The following GMDS variants were observed in gnomAD, a reference collection of about 807,000 sequenced individuals.
GMDS encodes the protein GDP-mannose 4,6-dehydratase.
A neutral mutation model predicts 49.9 loss-of-function variants in GMDS; 20 were observed. That is an observed-to-expected ratio of 0.40 (90% CI 0.28 to 0.58). The LOEUF (loss-of-function observed/expected upper bound fraction) is 0.58, where lower values mean the gene tolerates loss of function less well. Among genes scored for constraint, GMDS ranks in the 20% least tolerant of loss-of-function variants. The probability of loss-of-function intolerance (pLI) is 0.42; values close to 1 mark genes in which losing one functional copy is unlikely to be tolerated. For synonymous variants in GMDS, 177 were observed against 178.6 expected (o/e 0.99, Z 0.07); for missense variants, 362 against 481.4 (o/e 0.75, Z 2.32).
At chr6:2,187,959 A>G (rs1182176939) in intron 1 of GMDS, among the ~76,000 whole-genome samples, 1 of 152,250 alleles carries the variant, frequency 6.6e-6, no homozygotes, top group African/African-American at 2.4e-5. Flanking sequence ...TTTGCCTAGG[A>G]AAGGAGAACA....
chr6:1,950,919 T>C (rs1283737725), intron 6 of GMDS, among the ~76,000 whole-genome samples: 1 of 152,090 alleles, frequency 6.6e-6, no homozygotes, highest in African/African-American at 2.4e-5. Flanking sequence ...GCGTTTGTTA[T>C]AGAGCCATCC....
intron 9 of GMDS, among the ~76,000 whole-genome samples, chr6:1,636,071 A>C (rs1763138644): frequency 6.6e-6 from 1 of 152,170 alleles, no homozygotes; most frequent in Non-Finnish European, 1.5e-5. Context: ...GCGGAAATAG[A>C]AATAAAGGGA....
At chr6:2,095,448 A>G (rs551051762) in intron 4 of GMDS, among the ~76,000 whole-genome samples, 28 of 152,230 alleles carry the variant, frequency 1.8e-4, no homozygotes, top group Non-Finnish European at 3.8e-4. Context: ...CATATACACA[A>G]GAGTAAAATG....
chr6:1,900,731 C>T (rs1388922298), intron 7 of GMDS, among the ~76,000 whole-genome samples: 2 of 152,218 alleles, frequency 1.3e-5, no homozygotes, highest in Non-Finnish European at 1.5e-5. Context: ...CATTTTACTT[C>T]ATTCTGGCTC....
chr6:1,922,515 A>G (rs990120948), intron 7 of GMDS, among the ~76,000 whole-genome samples: 17 of 152,036 alleles, frequency 1.1e-4, no homozygotes, highest in African/African-American at 4.1e-4. Context: ...CAAGGCGACA[A>G]CTCTACTCCT....
At chr6:1,659,562 G>A (rs1487191677) in intron 9 of GMDS, among the ~76,000 whole-genome samples, 4 of 152,136 alleles carry the variant, frequency 2.6e-5, no homozygotes, top group African/African-American at 9.7e-5. Flanking sequence ...GGGCTGGGTG[G>A]ACAGGAAAAG....
chr6:2,020,594 A>G (rs1368937885), intron 4 of GMDS, among the ~76,000 whole-genome samples: 1 of 152,172 alleles, frequency 6.6e-6, no homozygotes, highest in East Asian at 1.9e-4. Flanking sequence ...ATGAGAAAAC[A>G]CTACAATGCA....
intron 1 of GMDS, among the ~76,000 whole-genome samples, chr6:2,176,589 T>G (rs1778295113): frequency 6.6e-6 from 1 of 151,936 alleles, no homozygotes; most frequent in Non-Finnish European, 1.5e-5. Context: ...TTAGGCAAGG[T>G]GTAGAGACAA....
Position 2,103,912 on chromosome 6 carries a change from T to C in GMDS, c.345+11859A>G, listed in dbSNP as rs1412446319. 2.0e-5 allele frequency among the ~76,000 whole-genome samples: 3 copies of C among 152,258 alleles called. No homozygotes were observed. In the South Asian group the frequency reaches 6.2e-4, roughly 32 times the overall value. On this transcript the variant is annotated intron_variant, in intron 4 of 10. Transcript: ENST00000380815. The stretch of plus-strand genomic sequence containing the variant: ...AAGCAATATATTTGTGCTTGTGCAC[T>C]TAACAGCAAACCCAGTATGGGGACT...
intron 4 of GMDS, among the ~76,000 whole-genome samples, chr6:1,993,235 C>A (rs573744055): frequency 6.6e-6 from 1 of 152,188 alleles, no homozygotes; most frequent in African/African-American, 2.4e-5. Flanking sequence ...CGCTTCTATG[C>A]TGGCTCGTGG....
intron 1 of GMDS, among the ~76,000 whole-genome samples, chr6:2,190,985 C>G (rs1778988167): frequency 6.6e-6 from 1 of 152,114 alleles, no homozygotes; most frequent in South Asian, 2.1e-4. Flanking sequence ...CCACTCTCAC[C>G]CACAACTGCT....
chr6:1,947,285 T>A (rs1763113619), intron 6 of GMDS, among the ~76,000 whole-genome samples: 1 of 152,156 alleles, frequency 6.6e-6, no homozygotes, highest in Non-Finnish European at 1.5e-5. Flanking sequence ...TATTTTGTCT[T>A]CCTCAAAAAA....
chr6:2,116,415 C>G (rs1406123331), intron 3 of GMDS, among the ~76,000 whole-genome samples: 1 of 152,190 alleles, frequency 6.6e-6, no homozygotes, highest in African/African-American at 2.4e-5. Flanking sequence ...CAGATCCTTA[C>G]ACTGACTTCA....
intron 4 of GMDS, among the ~76,000 whole-genome samples, chr6:2,009,402 G>A (rs1767406438): frequency 6.6e-6 from 1 of 152,190 alleles, no homozygotes; most frequent in Non-Finnish European, 1.5e-5. Context: ...TACATGGCCA[G>A]ATTCAGGAAC....
chr6:1,973,910 CATTT>C (rs1434690296), intron 4 of GMDS, among the ~76,000 whole-genome samples: 3 of 152,108 alleles, frequency 2.0e-5, no homozygotes. Context: ...TGGGAGAGTT[CATTT>C]AAGACAAGAA....
At chr6:2,175,832 T>C (rs2127558046) in intron 1 of GMDS, 1 of 696,564 alleles carries the variant, frequency 1.4e-6, no homozygotes, top group South Asian at 1.5e-5. Context: ...AAGCACCTTA[T>C]GCATGAACCC....
chr6:2,103,879 G>A (rs1774065724), intron 4 of GMDS, among the ~76,000 whole-genome samples: 1 of 152,324 alleles, frequency 6.6e-6, no homozygotes, highest in East Asian at 1.9e-4. Flanking sequence ...AATAGCAAAT[G>A]CATTCTTAAG....
chr6:1,772,757 C>T (rs1466724539), intron 7 of GMDS, among the ~76,000 whole-genome samples: 2 of 152,154 alleles, frequency 1.3e-5, no homozygotes, highest in Non-Finnish European at 2.9e-5. Context: ...AAAACAAAAA[C>T]AAGCATGGAC....
intron 1 of GMDS, among the ~76,000 whole-genome samples, chr6:2,140,956 G>A (rs1776253445): frequency 6.6e-6 from 1 of 152,168 alleles, no homozygotes; most frequent in East Asian, 1.9e-4. Flanking sequence ...CCTCTGGGAA[G>A]TGCTCCTGTC....
Sources: gnomAD v4.1 joint callset for allele counts (sites outside exome capture counted in the v4.1 genomes callset) on GRCh38, gnomAD v4.1.1 for gene constraint, MANE v1.5 for transcripts, NCBI Gene and HGNC (gene_info 2026-07-23, HGNC 2026-07-21) for gene names.